CHST5: variants seen among roughly 807,000 people sequenced by gnomAD.
The protein encoded by CHST5 is carbohydrate sulfotransferase 5.
For missense variants in CHST5, 637 were observed against 602.1 expected (o/e 1.06, Z -0.61); for synonymous variants, 313 against 279.2 (o/e 1.12, Z -1.21).
Position 75,530,543 on chromosome 16 carries a change from G to A in CHST5, c.-159C>T. ...CAGAATATAGTCTGTGCTCACAGCA[G>A]AAGTCCAGTTGCAGAATAATGTGGG... is the stretch of plus-strand genomic sequence containing the variant. On this transcript the variant is annotated 5_prime_UTR_variant, in exon 4 of 4. Transcript: ENST00000336257. 7.0e-7 allele frequency: 1 copy of A among 1,436,552 alleles called. No homozygotes were observed. The highest frequency in any genetic ancestry group is 1.6e-5 in the South Asian group (1 of 63,838). 89.0% of individuals were successfully genotyped at this position (1,436,552 alleles called of 1,614,324 possible).
Position 75,530,142 on chromosome 16 carries a change from G to A in CHST5, c.243C>T (p.Leu81=). Residue 81 remains leucine (L), a synonymous_variant, in exon 4 of 4, where the codon CTC becomes CTT. Coordinates refer to ENST00000336257, the MANE Select transcript of CHST5 (RefSeq NM_024533.5). ...AGAAGACGTCGGGGTGCTGGCTGAA[G>A]AGCTGGCCCAAGAAGGATGAGCCCG... ...WRSGSSFLGQ[L]FSQHPDVFYL... 2 of 1,613,632 alleles carry A rather than the reference G, an allele frequency of 1.2e-6. No homozygotes were observed. The highest frequency in any genetic ancestry group is 1.7e-6 in the Non-Finnish European group (2 of 1,180,002).
intron 2 of CHST5, among the ~76,000 whole-genome samples, chr16:75,533,830 A>G (rs2080542265): frequency 6.6e-6 from 1 of 151,948 alleles, no homozygotes; most frequent in Non-Finnish European, 1.5e-5. Flanking sequence ...ACCAGACGCC[A>G]GGAGTTCAAG....
rs780396716 is a variant in CHST5 at position 75,529,892 on chromosome 16, TGGTGCCTC to T, written c.485_492del (p.Arg162HisfsTer182). ...GTCTTGCATACGTCCTGCTTGCTGA[TGGTGCCTC>T]GGGGAAAGGCGCTGCAGGCGGGCGG... On this transcript the variant is annotated frameshift_variant, in exon 4 of 4. Transcript: ENST00000336257. LOFTEE classifies it low-confidence loss of function (END_TRUNC). The T allele has an allele frequency of 2.5e-6, 4 of 1,613,378 alleles. No individual in the cohort carries two copies. In the African/African-American group the frequency reaches 5.3e-5, roughly 22 times the overall value.
chr16:75,529,965 G>T lies in CHST5; in HGVS notation c.420C>A (p.Ser140=). 6.2e-7 allele frequency: 1 copy of T among 1,613,304 alleles called. No homozygotes were observed. Among genetic ancestry groups the T allele is most frequent in the Non-Finnish European group, 8.5e-7 (1 of 1,179,962 alleles). Residue 140 remains serine (S), a synonymous_variant, in exon 4 of 4, where the codon TCC becomes TCA. Transcript: ENST00000336257. ...GGCTCGTTGCCCAGTTGAAAAAGGC[G>T]GACAGGTTTCGGCTCTGTGGCATGT... is the stretch of plus-strand genomic sequence containing the variant. The part of the protein sequence containing the change: ...DAYMPQSRNL[S]AFFNWATSRA...
Position 75,529,975 on chromosome 16 carries a change from C to T in CHST5, c.410G>A (p.Arg137Gln), listed in dbSNP as rs761010831. 7 of 1,613,286 alleles carry T rather than the reference C, an allele frequency of 4.3e-6. No homozygotes were observed. Among genetic ancestry groups the T allele is most frequent in the East Asian group, 4.5e-5 (2 of 44,866 alleles). ...DVFDAYMPQS[R>Q]NLSAFFNWAT... ...CCAGTTGAAAAAGGCGGACAGGTTT[C>T]GGCTCTGTGGCATGTAGGCATCAAA... is the stretch of plus-strand genomic sequence containing the variant. Residue 137 changes from arginine to glutamine, a missense_variant, in exon 4 of 4, where the codon CGA (arginine) becomes CAA (glutamine). Transcript: ENST00000336257.
Position 75,529,288 on chromosome 16 carries a change from C to T in CHST5, c.1097G>A (p.Arg366His), listed in dbSNP as rs752681577. ...CGCGCCGGCGCACACCTCCTGCACG[C>T]GCAGGATCTTAGTGAAGGGCAACGC... is the stretch of plus-strand genomic sequence containing the variant. ...RHALPFTKIL[R>H]VQEVCAGALQ... Residue 366 changes from arginine to histidine, a missense_variant, in exon 4 of 4, where the codon CGC becomes CAC. Coordinates refer to ENST00000336257, the MANE Select transcript of CHST5 (RefSeq NM_024533.5). 1.7e-5 allele frequency: 27 copies of T among 1,613,052 alleles called. No homozygotes were observed. The highest frequency in any genetic ancestry group is 2.3e-5 in the Non-Finnish European group (27 of 1,179,920).
At position 75,530,728 on chromosome 16, in the gene CHST5, T is replaced by A; in HGVS notation, c.-344A>T. On this transcript the variant is annotated 5_prime_UTR_variant, in exon 4 of 4. Transcript: ENST00000336257. ...TTTAGGTTGTGGAGCTAAAAGGGCTTGATGGGGGCTTCGGTGGATGTCAGA... is the reference window on the plus strand; with the variant it reads ...TTTAGGTTGTGGAGCTAAAAGGGCTAGATGGGGGCTTCGGTGGATGTCAGA... 7.4e-6 allele frequency: 8 copies of A among 1,079,670 alleles called. No homozygotes were observed. Among genetic ancestry groups the A allele is most frequent in the Non-Finnish European group, 9.1e-6 (8 of 880,058 alleles). The allele number at this position is 1,079,670 out of a possible 1,614,324, so 66.9% of individuals were successfully genotyped here.
chr16:75,531,075 C>A lies in CHST5; in HGVS notation c.-691G>T. The stretch of plus-strand genomic sequence containing the variant: ...CGGTGGCTCACGCCTGTAATCCCAG[C>A]ATTATGGGAGGCCGAGGCGGGCGGA... On this transcript the variant is annotated 5_prime_UTR_variant, in exon 4 of 4. An upstream start codon of the reference 5' UTR is lost. Coordinates refer to ENST00000336257, the MANE Select transcript of CHST5 (RefSeq NM_024533.5). 6.0e-6 allele frequency: 6 copies of A among 997,792 alleles called. No homozygotes were observed. The highest frequency in any genetic ancestry group is 7.2e-6 in the Non-Finnish European group (6 of 827,750). 61.8% of individuals were successfully genotyped at this position (997,792 alleles called of 1,614,324 possible).
chr16:75,531,427 A>G lies in CHST5; in HGVS notation c.-1043T>C, dbSNP rs931731656. On this transcript the variant is annotated 5_prime_UTR_variant, in exon 4 of 4. Transcript: ENST00000336257. ...CTGTTGTCATCACTGGTGGGGAGTG[A>G]AGTGCTGTAGGCAGCATGGGCTCCA... The G allele has an allele frequency of 8.5e-7, 1 of 1,183,130 alleles. No individual in the cohort carries two copies. The highest frequency in any genetic ancestry group is 1.1e-6 in the Non-Finnish European group (1 of 927,684). 73.3% of individuals were successfully genotyped at this position (1,183,130 alleles called of 1,614,324 possible).
At position 75,531,232 on chromosome 16, in the gene CHST5, G is replaced by C. The variant is rs1462047140; in HGVS notation, c.-848C>G. 3.6e-6 allele frequency: 2 copies of C among 562,778 alleles called. No homozygotes were observed. Among genetic ancestry groups the C allele is most frequent in the African/African-American group, 2.1e-5 (1 of 47,240 alleles). 34.9% of individuals were successfully genotyped at this position (562,778 alleles called of 1,614,324 possible). A position where few individuals can be genotyped will look rare whatever the true frequency, so the allele number is the denominator to read the frequency against. ...AGCTACTCGGGAGGCTGAGGCAGGA[G>C]AATGGCGTGAACCTGGGAGGCAGAG... is the stretch of plus-strand genomic sequence containing the variant. On this transcript the variant is annotated 5_prime_UTR_variant, in exon 4 of 4. Transcript: ENST00000336257.
rs1252917449 is a variant in CHST5, at chr16:75,531,258, G to A, written c.-874C>T. ...AATGGCGTGAACCTGGGAGGCAGAG[G>A]TGGCAGTGAGCTGAGATTGCGCCAC... is the stretch of plus-strand genomic sequence containing the variant. On this transcript the variant is annotated 5_prime_UTR_variant, in exon 4 of 4. Transcript: ENST00000336257. 1.6e-6 allele frequency: 1 copy of A among 639,796 alleles called. No individual in the cohort carries two copies. The highest frequency in any genetic ancestry group is 2.0e-6 in the Non-Finnish European group (1 of 500,880). 39.6% of individuals were successfully genotyped at this position (639,796 alleles called of 1,614,324 possible).
chr16:75,532,987 A>C (rs1397760459), intron 3 of CHST5, 102 bp downstream of exon 3: 1 of 582,684 alleles, frequency 1.7e-6, no homozygotes, highest in Non-Finnish European at 3.1e-6. Flanking sequence ...CCCCCTGCAG[A>C]GTGCAGGACC....
At chr16:75,535,610 G>C (rs1186849902) in intron 1 of CHST5, among the ~76,000 whole-genome samples, 1 of 152,216 alleles carries the variant, frequency 6.6e-6, no homozygotes, top group Non-Finnish European at 1.5e-5. Context: ...TTCAGACGTG[G>C]CTGCGGTCCC....
In CHST5 at chr16:75,529,807, A is replaced by G. The variant is rs1336592677; in HGVS notation, c.578T>C (p.Val193Ala). The stretch of plus-strand genomic sequence containing the variant: ...GAAGAAGCGCACCTCCTTGAGCACC[A>G]CGTGGCTGTAGGAGCGGCAGGCCTC... ...AREACRSYSH[V>A]VLKEVRFFNL... Residue 193 changes from valine to alanine, a missense_variant, in exon 4 of 4, where the codon GTG becomes GCG. Physicochemically the swap from Val to Ala is moderately conservative, Grantham distance 64. Transcript: ENST00000336257. 4.3e-6 allele frequency: 7 copies of G among 1,613,762 alleles called. No individual in the cohort carries two copies. Among genetic ancestry groups the G allele is most frequent in the Non-Finnish European group, 5.9e-6 (7 of 1,179,894 alleles).
chr16:75,529,446 G>A lies in CHST5; in HGVS notation c.939C>T (p.Thr313=), dbSNP rs146004401. The change falls in exon 4 of 4, where the codon ACC becomes ACT. Residue 313 remains threonine, a synonymous_variant. Transcript: ENST00000336257. ...LAEIRALYAF[T]GLTLTPQLEA... ...CGAGCTGTGGCGTGAGGGTCAGGCC[G>A]GTGAAGGCGTAGAGTGCGCGGATCT... 7.6e-5 allele frequency: 123 copies of A among 1,612,796 alleles called. No individual in the cohort carries two copies. The highest frequency in any genetic ancestry group is 9.8e-5 in the Non-Finnish European group (116 of 1,179,912).
At position 75,529,912 on chromosome 16, in the gene CHST5, C is replaced by G. The variant is rs143242833; in HGVS notation, c.473G>C (p.Ser158Thr). The part of the protein sequence containing the change: ...SRALCSPPAC[S>T]AFPRGTISKQ... ...GCTGATGGTGCCTCGGGGAAAGGCG[C>G]TGCAGGCGGGCGGCGAGCACAGCGC... The change falls in exon 4 of 4, where the codon AGC (serine) becomes ACC (threonine). Residue 158 changes from serine to threonine, a missense_variant. Transcript: ENST00000336257. The G allele has an allele frequency of 4.5e-5, 73 of 1,613,304 alleles. No homozygotes were observed. In the Middle Eastern group the frequency reaches 4.9e-4, roughly 11 times the overall value.
intron 2 of CHST5, 105 bp from the exon 3 acceptor site, chr16:75,533,288 A>T: frequency 1.4e-6 from 1 of 699,412 alleles, no homozygotes; most frequent in Non-Finnish European, 2.6e-6. Context: ...CATCTTCATG[A>T]TTGAATGTTA....
In CHST5 at chr16:75,533,075, A is replaced by C. The variant is rs988284846; in HGVS notation, c.-1257+14T>G. 1.3e-5 allele frequency: 9 copies of C among 699,908 alleles called. No homozygotes were observed. The African/African-American group carries it at 1.4e-4, about 11-fold the overall frequency. The allele number at this position is 699,908 out of a possible 1,614,324, so 43.4% of individuals were successfully genotyped here. On this transcript the variant is annotated intron_variant, in intron 3 of 3. Coordinates refer to ENST00000336257, the MANE Select transcript of CHST5 (RefSeq NM_024533.5). ...GTAGGGAGGATCTTGATCCCAAGCT[A>C]AGGTGTTTGTTACCTGTGTTCCAGG...
Position 75,529,487 on chromosome 16 carries a change from G to A in CHST5, c.898C>T (p.Arg300Trp), listed in dbSNP as rs906651671. Residue 300 changes from arginine to tryptophan, a missense_variant, in exon 4 of 4, where the codon CGG becomes TGG. Physicochemically the swap from Arg to Trp is moderately radical, Grantham distance 101. Coordinates refer to ENST00000336257, the MANE Select transcript of CHST5 (RefSeq NM_024533.5). ...GCGCGGATCTCTGCCAGCGGCTCCC[G>A]CGCCAGGTCCTCGAAGCGCACCAGG... ...YRLVRFEDLAREPLAEIRALY... is the reference protein window; with the variant it reads ...YRLVRFEDLAWEPLAEIRALY... 16 of 1,611,812 alleles carry A rather than the reference G, an allele frequency of 9.9e-6. No individual in the cohort carries two copies. Among genetic ancestry groups the A allele is most frequent in the African/African-American group, 1.3e-5 (1 of 75,052 alleles).
Sources: allele counts gnomAD v4.1 joint callset (sites outside exome capture counted in the v4.1 genomes callset), GRCh38; gene constraint gnomAD v4.1.1; transcripts MANE v1.5; gene names NCBI Gene and HGNC (gene_info 2026-07-23, HGNC 2026-07-21).